ASIC2: variants seen among roughly 807,000 people sequenced by gnomAD.
The protein encoded by ASIC2 is acid-sensing ion channel 2.
In ASIC2, 25 loss-of-function variants were observed where a neutral mutation model predicts 57.3. That is an observed-to-expected ratio of 0.44 (90% CI 0.32 to 0.61). The LOEUF (loss-of-function observed/expected upper bound fraction) is 0.61. Ranked by LOEUF, ASIC2 falls within the 20% of genes least tolerant of loss-of-function variation. The pLI is 0.06. For synonymous variants in ASIC2, 319 were observed against 307.5 expected (o/e 1.04, Z -0.39); for missense variants, 641 against 738.1 (o/e 0.87, Z 1.52).
chr17:33,286,803 C>T (rs1377444250), intron 1 of ASIC2, among the ~76,000 whole-genome samples: 1 of 152,176 alleles, frequency 6.6e-6, no homozygotes, highest in African/African-American at 2.4e-5. Context: ...CTGTCCTCAA[C>T]ATCACTGAGA....
intron 1 of ASIC2, among the ~76,000 whole-genome samples, chr17:33,457,177 T>C (rs553808397): frequency 2.0e-5 from 3 of 152,310 alleles, no homozygotes; most frequent in East Asian, 3.9e-4. Context: ...TTAATAAATG[T>C]TAGCTATTTT....
At chr17:33,566,918 T>C (rs115597272) in intron 1 of ASIC2, among the ~76,000 whole-genome samples, 2,694 of 152,240 alleles carry the variant, frequency 0.018, 76 homozygotes, top group African/African-American at 0.06. Context: ...TGCCTTGGTT[T>C]GTGCTATTCC....
chr17:33,385,920 T>G (rs1478872798), intron 1 of ASIC2, among the ~76,000 whole-genome samples: 1 of 152,228 alleles, frequency 6.6e-6, no homozygotes, highest in African/African-American at 2.4e-5. Flanking sequence ...GGGGCTCTTA[T>G]GATGGTGATC....
chr17:33,686,447 G>T (rs1908197334), intron 1 of ASIC2, among the ~76,000 whole-genome samples: 3 of 152,138 alleles, frequency 2.0e-5, no homozygotes, highest in Admixed American at 2.0e-4. Context: ...TCTGTACAAA[G>T]TATCTGGCAA....
chr17:33,894,715 G>C (rs1915049656), intron 1 of ASIC2, among the ~76,000 whole-genome samples: 1 of 152,130 alleles, frequency 6.6e-6, no homozygotes, highest in Admixed American at 6.5e-5. Context: ...TGTGAGAGAA[G>C]TGCTATGTTC....
At chr17:33,460,688 A>G (rs9908799) in intron 1 of ASIC2, among the ~76,000 whole-genome samples, 37,043 of 152,228 alleles carry the variant, frequency 0.24, 4,610 homozygotes, top group African/African-American at 0.27. Flanking sequence ...TGTGTCAGGC[A>G]TGAGCTTATA....
chr17:33,670,229 C>T (rs544707290), intron 1 of ASIC2, among the ~76,000 whole-genome samples: 3 of 152,228 alleles, frequency 2.0e-5, no homozygotes, highest in East Asian at 3.9e-4. Flanking sequence ...TAGGAGGCCT[C>T]CCAGGAATTC....
intron 1 of ASIC2, chr17:34,069,717 A>G (rs1598005906): frequency 6.6e-6 from 1 of 152,228 alleles, no homozygotes; most frequent in South Asian, 2.1e-4. Flanking sequence ...AAAACATTCA[A>G]ACCTCTCTTA....
chr17:33,917,467 C>G (rs888603831), intron 1 of ASIC2, among the ~76,000 whole-genome samples: 15 of 152,120 alleles, frequency 9.9e-5, no homozygotes, highest in Non-Finnish European at 4.4e-5. Flanking sequence ...GTTTCCAGGT[C>G]CATCATCTTC....
At chr17:34,030,230 C>G (rs1907540387) in intron 1 of ASIC2, among the ~76,000 whole-genome samples, 1 of 152,236 alleles carries the variant, frequency 6.6e-6, no homozygotes, top group Admixed American at 6.5e-5. Flanking sequence ...TCATGCACTT[C>G]TGCCCTGCTC....
chr17:33,174,845 T>C (rs1905679666), intron 1 of ASIC2, among the ~76,000 whole-genome samples: 1 of 152,138 alleles, frequency 6.6e-6, no homozygotes, highest in Admixed American at 6.5e-5. Flanking sequence ...GCTTGTGTTG[T>C]ATTAAGCCAC....
intron 3 of ASIC2, among the ~76,000 whole-genome samples, chr17:33,045,615 C>T (rs2091950817): frequency 6.6e-6 from 1 of 152,124 alleles, no homozygotes; most frequent in Admixed American, 6.5e-5. Flanking sequence ...AGGATATCAG[C>T]TTTGTCTTTT....
intron 1 of ASIC2, among the ~76,000 whole-genome samples, chr17:33,598,291 T>A (rs957499320): frequency 3.9e-5 from 6 of 152,352 alleles, no homozygotes; most frequent in Admixed American, 6.5e-5. Flanking sequence ...GCTCTAACCT[T>A]CTGAGCTCTG....
At chr17:33,176,766 G>A (rs527277348) in intron 1 of ASIC2, among the ~76,000 whole-genome samples, 2 of 152,324 alleles carry the variant, frequency 1.3e-5, no homozygotes, top group Admixed American at 1.3e-4. Flanking sequence ...GAGGCTCAGG[G>A]ACACACAGCC....
chr17:33,141,600 G>T (rs1326383107), intron 1 of ASIC2, among the ~76,000 whole-genome samples: 1 of 152,192 alleles, frequency 6.6e-6, no homozygotes, highest in African/African-American at 2.4e-5. Context: ...GTGTTGTAAG[G>T]CTTCCCAGAA....
chr17:33,980,338 C>T (rs199664889), intron 1 of ASIC2, among the ~76,000 whole-genome samples: 2 of 152,222 alleles, frequency 1.3e-5, no homozygotes, highest in East Asian at 3.9e-4. Context: ...GTGTCTCCAT[C>T]TCTACCACTT....
intron 1 of ASIC2, among the ~76,000 whole-genome samples, chr17:33,930,908 T>G (rs559874294): frequency 2.6e-5 from 4 of 152,270 alleles, no homozygotes; most frequent in African/African-American, 9.6e-5. Flanking sequence ...TTTATTTGTT[T>G]GTTTGTTTGT....
chr17:33,894,282 T>C (rs1039999190), intron 1 of ASIC2, among the ~76,000 whole-genome samples: 1 of 151,834 alleles, frequency 6.6e-6, no homozygotes, highest in African/African-American at 2.4e-5. Context: ...GCTGGGCTTA[T>C]GGGGAGGAAG....
At chr17:33,168,234 T>C (rs562020437) in intron 1 of ASIC2, among the ~76,000 whole-genome samples, 2 of 152,342 alleles carry the variant, frequency 1.3e-5, no homozygotes, top group Admixed American at 1.3e-4. Context: ...TTATGCAGTC[T>C]GTGGCATTCT....
Sources: allele counts gnomAD v4.1 joint callset (sites outside exome capture counted in the v4.1 genomes callset), GRCh38; gene constraint gnomAD v4.1.1; transcripts MANE v1.5; gene names NCBI Gene and HGNC (gene_info 2026-07-23, HGNC 2026-07-21).